KALRN: variants seen among roughly 807,000 people sequenced by gnomAD.
KALRN encodes the protein kalirin RhoGEF kinase, also known as kalirin.
KALRN carries 70 observed loss-of-function variants against 353.7 expected under a neutral mutation model. The ratio of observed to expected loss-of-function variants is 0.20; its 90% CI spans 0.16 to 0.24. KALRN has a LOEUF of 0.24. KALRN is among the 10% of genes least tolerant of loss of function. KALRN has a pLI of 1.00. For synonymous variants in KALRN, 1,391 were observed against 1,434.8 expected (o/e 0.97, Z 0.69); for missense variants, 2,791 against 3,756.7 (o/e 0.74, Z 6.72).
Position 124,175,520 on chromosome 3 carries a change from T to C in KALRN, c.74-52470T>C, listed in dbSNP as rs2072580738. 2.1e-5 allele frequency among the ~76,000 whole-genome samples: 3 copies of C among 143,264 alleles called. No homozygotes were observed. The South Asian group carries it at 6.7e-4, about 32-fold the overall frequency. The allele number at this position is 143,264 out of a possible 152,430, so 94.0% of individuals were successfully genotyped here. ...GGATGGGGAAATGTGTACAGCCAAG[T>C]GTCCAGGCCTGTTCTCCAGGATGCG... On this transcript the variant is annotated intron_variant, in intron 1 of 59. Transcript: ENST00000682506.
chr3:124,488,183 T>A (rs960918108), intron 28 of KALRN, 21 bp from the exon 29 acceptor site: 2 of 1,537,658 alleles, frequency 1.3e-6, no homozygotes, highest in Non-Finnish European at 1.8e-6. Flanking sequence ...CCTAATTATG[T>A]CCGGACTTTT....
chr3:124,726,087 A>T lies in KALRN; in HGVS notation c.*6617A>T, dbSNP rs780464064. 1.3e-5 allele frequency: 2 copies of T among 152,008 alleles called. No individual in the cohort carries two copies. The highest frequency in any genetic ancestry group is 2.4e-5 in the African/African-American group (1 of 41,408). 9.4% of individuals were successfully genotyped at this position (152,008 alleles called of 1,614,324 possible). ...AAGTGTATCTTCTGGGTTTTTGGTT[A>T]TTTTATTATTTTTAAATTTTTCTGC... On this transcript the variant is annotated 3_prime_UTR_variant, in exon 60 of 60. Transcript: ENST00000682506.
intron 12 of KALRN, among the ~76,000 whole-genome samples, chr3:124,395,773 G>A (rs192048556): frequency 6.8e-4 from 104 of 152,278 alleles, no homozygotes; most frequent in African/African-American, 2.4e-3. Context: ...TCATTTTGCT[G>A]ATGTTTGACT....
intron 32 of KALRN, among the ~76,000 whole-genome samples, chr3:124,494,475 C>T (rs913126787): frequency 6.6e-6 from 1 of 152,148 alleles, no homozygotes; most frequent in Non-Finnish European, 1.5e-5. Flanking sequence ...GGAGCGCTGG[C>T]CCAGATAATC....
chr3:124,325,945 G>C lies in KALRN; in HGVS notation c.1093-35G>C, dbSNP rs369323663. On this transcript the variant is annotated intron_variant, in intron 6 of 59. Coordinates refer to ENST00000682506, the MANE Select transcript of KALRN (RefSeq NM_001388419.1). ...AAAGTGCTCAGTGGATGTCTTTTGA[G>C]CCTGCCCCACTGAGCACTCTCCTTT... 3 of 1,575,834 alleles carry C rather than the reference G, an allele frequency of 1.9e-6. No homozygotes were observed. The African/African-American group carries it at 4.0e-5, about 21-fold the overall frequency.
chr3:124,306,977 A>C (rs1052439072), intron 6 of KALRN, among the ~76,000 whole-genome samples: 1 of 152,206 alleles, frequency 6.6e-6, no homozygotes, highest in Admixed American at 6.5e-5. Flanking sequence ...TCTAGCAGAT[A>C]CACCTTATAA....
intron 1 of KALRN, among the ~76,000 whole-genome samples, chr3:124,192,674 A>G (rs1344275086): frequency 1.3e-5 from 2 of 152,186 alleles, no homozygotes; most frequent in Middle Eastern, 3.2e-3. Flanking sequence ...CACAAAAATA[A>G]AAATAAAAAA....
At chr3:124,549,137 C>G (rs1170009318) in intron 33 of KALRN, among the ~76,000 whole-genome samples, 1 of 152,092 alleles carries the variant, frequency 6.6e-6, no homozygotes, top group African/African-American at 2.4e-5. Context: ...AGTGGTGGAA[C>G]TTGAATTCAA....
chr3:124,126,698 A>G (rs931929574), intron 1 of KALRN, among the ~76,000 whole-genome samples: 1 of 152,234 alleles, frequency 6.6e-6, no homozygotes, highest in Non-Finnish European at 1.5e-5. Context: ...GCTATAACTC[A>G]TGTACAGTTT....
intron 1 of KALRN, among the ~76,000 whole-genome samples, chr3:124,108,930 T>C (rs1196169987): frequency 6.6e-6 from 1 of 152,164 alleles, no homozygotes; most frequent in African/African-American, 2.4e-5. Flanking sequence ...ATGAATATAA[T>C]TTGGGATGCT....
chr3:124,383,199 C>A (rs1211231372), intron 10 of KALRN, among the ~76,000 whole-genome samples: 1 of 152,152 alleles, frequency 6.6e-6, no homozygotes, highest in Non-Finnish European at 1.5e-5. Context: ...TTCCTAGAAG[C>A]CAAGACAAGT....
chr3:124,308,797 G>T (rs1040450259), intron 6 of KALRN, among the ~76,000 whole-genome samples: 3 of 151,330 alleles, frequency 2.0e-5, no homozygotes, highest in Middle Eastern at 3.2e-3. Flanking sequence ...GCAAGCAGAA[G>T]AAAGGAAATA....
intron 9 of KALRN, among the ~76,000 whole-genome samples, chr3:124,342,219 C>A (rs2081819293): frequency 6.6e-6 from 1 of 151,438 alleles, no homozygotes; most frequent in Non-Finnish European, 1.5e-5. Context: ...TTGTTATATA[C>A]GTAGATTGCG....
At chr3:124,306,728 GA>G (rs922512352) in intron 6 of KALRN, among the ~76,000 whole-genome samples, 2 of 152,098 alleles carry the variant, frequency 1.3e-5, no homozygotes, top group African/African-American at 4.8e-5. Context: ...CAAAGACAAG[GA>G]AAACCTTAAA....
chr3:124,526,666 T>C (rs753668810), intron 33 of KALRN, among the ~76,000 whole-genome samples: 1 of 152,134 alleles, frequency 6.6e-6, no homozygotes, highest in Non-Finnish European at 1.5e-5. Context: ...GTAGCACCAC[T>C]AGTCACATCT....
chr3:124,133,040 C>G (rs989740361), intron 1 of KALRN: 2 of 153,748 alleles, frequency 1.3e-5, no homozygotes, highest in African/African-American at 4.8e-5. Context: ...CACAGCACGG[C>G]CTTGAGGCAG....
In KALRN at chr3:124,446,774, G is replaced by T; in HGVS notation, c.3441G>T (p.Trp1147Cys). 6.2e-7 allele frequency: 1 copy of T among 1,614,042 alleles called. No individual in the cohort carries two copies. Residue 1147 changes from tryptophan to cysteine, a missense_variant, in exon 21 of 60, where the codon TGG becomes TGT. Transcript: ENST00000682506. The stretch of plus-strand genomic sequence containing the variant: ...GTTTCCTCCCATAGGCGCTTGACTG[G>T]ATCCAAGAAACAGGTGAATTTTACC... ...FERSAKQALD[W>C]IQETGEFYLS... is the part of the protein sequence containing the mutation.
intron 51 of KALRN, among the ~76,000 whole-genome samples, chr3:124,688,133 A>G (rs2061645493): frequency 6.6e-6 from 1 of 152,050 alleles, no homozygotes; most frequent in East Asian, 1.9e-4. Flanking sequence ...CAACATGGCG[A>G]GACCCCATCT....
rs1186241569 is a variant in KALRN at position 124,298,868 on chromosome 3, C to T, written c.1047C>T (p.Ala349=). ...HTEIGVSYQY[A]LDLQTQHNHF... The stretch of plus-strand genomic sequence containing the variant: ...AGATCGGAGTCAGCTACCAGTACGC[C>T]CTTGACCTCCAGACGCAGCACAATC... The change falls in exon 6 of 60, where the codon GCC becomes GCT. Residue 349 remains alanine, a synonymous_variant. Transcript: ENST00000682506. The T allele has an allele frequency of 6.2e-7, 1 of 1,614,146 alleles. No individual in the cohort carries two copies. The highest frequency in any genetic ancestry group is 8.5e-7 in the Non-Finnish European group (1 of 1,180,016).
Sources: allele counts gnomAD v4.1 joint callset (sites outside exome capture counted in the v4.1 genomes callset), GRCh38; gene constraint gnomAD v4.1.1; transcripts MANE v1.5; gene names NCBI Gene and HGNC (gene_info 2026-07-23, HGNC 2026-07-21).